The following ATN1 variants were observed in gnomAD, a reference collection of about 807,000 sequenced individuals.
ATN1 encodes atrophin-1.
In ATN1, 19 loss-of-function variants were observed where a neutral mutation model predicts 85.8. The ratio of observed to expected loss-of-function variants is 0.22; its 90% CI spans 0.15 to 0.32. The LOEUF is 0.32. ATN1 is among the 10% of genes least tolerant of loss of function. The probability of loss-of-function intolerance (pLI) is 1.00; values close to 1 mark genes in which losing one functional copy is unlikely to be tolerated. For missense variants in ATN1, 1,453 were observed against 1,564.5 expected, an observed-to-expected ratio of 0.93 and a Z score of 1.20; for synonymous variants, 674 against 657.0, an observed-to-expected ratio of 1.03 and a Z score of -0.39.
In ATN1 at chr12:6,941,905, G is replaced by A. The variant is rs118174287; in HGVS notation, c.*125G>A. 13,883 of 945,792 alleles carry A rather than the reference G, an allele frequency of 0.015. 307 individuals carry two copies. Among genetic ancestry groups the A allele is most frequent in the South Asian group, 0.061 (4,352 of 71,722 alleles). 58.6% of individuals were successfully genotyped at this position (945,792 alleles called of 1,614,324 possible). ...GGTGCTGCTCAGTTGCAGGGCCTCC[G>A]CAGCTGGACAGAGAGTGGGGGAGGG... On this transcript the variant is annotated 3_prime_UTR_variant, in exon 10 of 10. Coordinates refer to ENST00000396684, the MANE Select transcript of ATN1 (RefSeq NM_001940.4). The surrounding 1 kb of genome is among the most constrained non-coding windows in gnomAD (Gnocchi z 5.9).
In ATN1 at chr12:6,937,659, AGTGTT is replaced by A; in HGVS notation, c.2294+99_2294+103del. 1 of 1,428,164 alleles carries A rather than the reference AGTGTT, an allele frequency of 7.0e-7. No homozygotes were observed. Among genetic ancestry groups the A allele is most frequent in the Non-Finnish European group, 9.2e-7 (1 of 1,088,504 alleles). 88.5% of individuals were successfully genotyped at this position (1,428,164 alleles called of 1,614,324 possible). ...GCAGGGAGGGGCCTTGCGCTGGTGTAGTGTTTTAGAAAAGCACGCCCCTCTCCTCC... is the reference window on the plus strand; with the variant it reads ...GCAGGGAGGGGCCTTGCGCTGGTGTATTAGAAAAGCACGCCCCTCTCCTCC... On this transcript the variant is annotated intron_variant, in intron 5 of 9. Transcript: ENST00000396684. This position sits in a 1 kb window ranked among gnomAD's most constrained non-coding sequence, Gnocchi z 6.0.
intron 1 of ATN1, among the ~76,000 whole-genome samples, chr12:6,929,549 TG>T (rs1230807249): frequency 6.6e-6 from 1 of 151,958 alleles, no homozygotes; most frequent in Admixed American, 6.6e-5. Context: ...TCAGATTGGT[TG>T]GGGGGGCTTC....
intron 1 of ATN1, among the ~76,000 whole-genome samples, chr12:6,928,892 C>T (rs782260135): frequency 6.6e-6 from 1 of 152,044 alleles, no homozygotes; most frequent in East Asian, 1.9e-4. Context: ...AAGTGGGAAA[C>T]GGGAAAGGGG....
At chr12:6,933,607 G>C (rs782073151) in intron 1 of ATN1, among the ~76,000 whole-genome samples, 1 of 152,142 alleles carries the variant, frequency 6.6e-6, no homozygotes, top group Non-Finnish European at 1.5e-5. Context: ...AGGTACATCC[G>C]AATTTTCTGC....
chr12:6,934,233 T>C lies in ATN1; in HGVS notation c.85T>C (p.Ser29Pro), dbSNP rs1945502205. The C allele has an allele frequency of 6.3e-7, 1 of 1,589,116 alleles. No homozygotes were observed. The part of the protein sequence containing the change: ...EAPGPREELR[S>P]RGRASPGGVS... ...CCCTGGGCCCCGGGAAGAACTGAGATCGAGGGGCCGGGCCTCCCCTGGAGG... is the reference window on the plus strand; with the variant it reads ...CCCTGGGCCCCGGGAAGAACTGAGACCGAGGGGCCGGGCCTCCCCTGGAGG... Residue 29 changes from serine (S) to proline (P), a missense_variant, in exon 3 of 10, where the codon TCG (serine) becomes CCG (proline). Physicochemically the swap from Ser to Pro is moderately conservative, Grantham distance 74 (BLOSUM62 -1). Transcript: ENST00000396684. This position sits in a 1 kb window ranked among gnomAD's most constrained non-coding sequence, Gnocchi z 4.5.
At position 6,938,025 on chromosome 12, in the gene ATN1, A is replaced by AGAGCGC. The variant is rs782632578; in HGVS notation, c.2485_2490dup (p.Arg829_Glu830dup). ...GCGAGCGCGAGCGGGAACGCGAGAA[A>AGAGCGC]GAGCGCGAGCGCGAGAAGGAGCGCG... On this transcript the variant is annotated inframe_insertion, in exon 6 of 10. Transcript: ENST00000396684. 2.6e-6 allele frequency: 4 copies of AGAGCGC among 1,545,854 alleles called. No individual in the cohort carries two copies. The highest frequency in any genetic ancestry group is 1.2e-5 in the South Asian group (1 of 83,878).
Position 6,936,748 on chromosome 12 carries a change from AGC to A in ATN1, c.1482_1483del (p.Gln495AlafsTer28), listed in dbSNP as rs1945543875. The stretch of plus-strand genomic sequence containing the variant: ...CAGCAACAGCAGCAGCAGCAGCAGC[AGC>A]AGCAGCAGCAGCAGCAGCAGCAGCA... On this transcript the variant is annotated frameshift_variant, in exon 5 of 10. Coordinates refer to ENST00000396684, the MANE Select transcript of ATN1 (RefSeq NM_001940.4). LOFTEE classifies it high-confidence loss of function. The A allele has an allele frequency of 8.0e-7, 1 of 1,251,672 alleles. No individual in the cohort carries two copies. The highest frequency in any genetic ancestry group is 1.1e-6 in the Non-Finnish European group (1 of 899,506). 77.5% of individuals were successfully genotyped at this position (1,251,672 alleles called of 1,614,324 possible). A position where few individuals can be genotyped will look rare whatever the true frequency, so the allele number is the denominator to read the frequency against.
upstream of ATN1, among the ~76,000 whole-genome samples, chr12:6,926,997 G>A (rs2138197249): frequency 6.6e-6 from 1 of 150,818 alleles, no homozygotes; most frequent in East Asian, 2.0e-4. Flanking sequence ...TTCTCACCCA[G>A]AACCTATTTT....
In ATN1 at chr12:6,941,074, G is replaced by C. The variant is rs782785040; in HGVS notation, c.3358+51G>C. The C allele has an allele frequency of 5.6e-6, 9 of 1,600,882 alleles. No individual in the cohort carries two copies. The South Asian group carries it at 7.8e-5, about 14-fold the overall frequency. ...GCTCCAATGAGAAAAGGGCAGAAAG[G>C]AGGTATTTGGGTGGGGGGATGGGCC... On this transcript the variant is annotated intron_variant, in intron 8 of 9. Coordinates refer to ENST00000396684, the MANE Select transcript of ATN1 (RefSeq NM_001940.4). This position sits in a 1 kb window ranked among gnomAD's most constrained non-coding sequence, Gnocchi z 5.9.
chr12:6,929,826 T>C (rs776254545), intron 1 of ATN1, among the ~76,000 whole-genome samples: 8 of 152,150 alleles, frequency 5.3e-5, no homozygotes, highest in Non-Finnish European at 1.0e-4. Flanking sequence ...ACCTCCCTTA[T>C]TATGTTATTT....
rs1555143440 is a variant in ATN1 at position 6,935,559 on chromosome 12, C to T, written c.292C>T (p.Arg98Trp). 5.0e-6 allele frequency: 8 copies of T among 1,609,780 alleles called. No individual in the cohort carries two copies. The highest frequency in any genetic ancestry group is 1.7e-5 in the Admixed American group (1 of 59,866). ...CCCTTTTCTACAGCAGGAACTCCCTCGGCCACAGTCTCCCTCCGATCTGGA... is the reference window on the plus strand; with the variant it reads ...CCCTTTTCTACAGCAGGAACTCCCTTGGCCACAGTCTCCCTCCGATCTGGA... ...KKTKTEQELPRPQSPSDLDSL... is the reference protein window; with the variant it reads ...KKTKTEQELPWPQSPSDLDSL... Residue 98 changes from arginine (R) to tryptophan (W), a missense_variant, in exon 5 of 10, where the codon CGG becomes TGG. This residue lies in a region of ATN1 where 130 missense variants were observed against 158.2 expected (regional missense o/e 0.82). Transcript: ENST00000396684. This position sits in a 1 kb window ranked among gnomAD's most constrained non-coding sequence, Gnocchi z 5.3.
chr12:6,941,345 C>A lies in ATN1; in HGVS notation c.3359-29C>A. The A allele has an allele frequency of 6.4e-7, 1 of 1,568,642 alleles. No individual in the cohort carries two copies. The highest frequency in any genetic ancestry group is 1.2e-5 in the South Asian group (1 of 85,646). On this transcript the variant is annotated intron_variant, in intron 8 of 9. Coordinates refer to ENST00000396684, the MANE Select transcript of ATN1 (RefSeq NM_001940.4). The surrounding 1 kb of genome is among the most constrained non-coding windows in gnomAD (Gnocchi z 5.9). ...GAGCAGGTACTTGTTATCCGTTGGT[C>A]ATATGCCCCTTGCCCTTCCTGCTCA...
Position 6,938,045 on chromosome 12 carries a change from A to G in ATN1, c.2495A>G (p.Glu832Gly), listed in dbSNP as rs1555144146. Residue 832 changes from glutamate to glycine, a missense_variant, in exon 6 of 10, where the codon GAG becomes GGG. By Grantham distance (98) the Glu-to-Gly change is moderately conservative. This residue lies in a region of ATN1 where 990 missense variants were observed against 914.8 expected (regional missense o/e 1.08). Transcript: ENST00000396684. ...GAGAAAGAGCGCGAGCGCGAGAAGG[A>G]GCGCGAGCTTGAACGCAGCGTGGTG... ...EREKEREREK[E>G]RELERSVKLA... The G allele has an allele frequency of 5.8e-6, 9 of 1,546,236 alleles. No homozygotes were observed. The South Asian group carries it at 1.1e-4, about 18-fold the overall frequency.
In ATN1 at chr12:6,938,975, G is replaced by A; in HGVS notation, c.3012G>A (p.Ala1004=). Residue 1004 remains alanine (A), a synonymous_variant, in exon 7 of 10, where the codon GCG becomes GCA. Transcript: ENST00000396684. ...GGCCCCTGGAGCGAGAACGTCTAGC[G>A]CTGGCAGCTGGGCCAGCCCTGCGGC... is the stretch of plus-strand genomic sequence containing the variant. ...SLGPLERERL[A]LAAGPALRPD... 11 of 1,613,332 alleles carry A rather than the reference G, an allele frequency of 6.8e-6. No individual in the cohort carries two copies. Among genetic ancestry groups the A allele is most frequent in the Non-Finnish European group, 8.5e-6 (10 of 1,179,968 alleles).
chr12:6,938,968 G>A lies in ATN1; in HGVS notation c.3005G>A (p.Arg1002His). The stretch of plus-strand genomic sequence containing the variant: ...AGCCTGGGGCCCCTGGAGCGAGAAC[G>A]TCTAGCGCTGGCAGCTGGGCCAGCC... The part of the protein sequence containing the change: ...HPSLGPLERE[R>H]LALAAGPALR... Residue 1002 changes from arginine to histidine, a missense_variant, in exon 7 of 10, where the codon CGT (arginine) becomes CAT (histidine). Arg to His is a conservative substitution (Grantham distance 29, BLOSUM62 0). Around this residue, in one of 6 missense-constraint regions of ATN1, gnomAD observed 208 missense variants for 263.4 expected, o/e 0.79. Coordinates refer to ENST00000396684, the MANE Select transcript of ATN1 (RefSeq NM_001940.4). 6.2e-7 allele frequency: 1 copy of A among 1,613,588 alleles called. No homozygotes were observed. Among genetic ancestry groups the A allele is most frequent in the Non-Finnish European group, 8.5e-7 (1 of 1,179,988 alleles).
At chr12:6,926,461 G>A (rs1257450418), upstream of ATN1, among the ~76,000 whole-genome samples, 1 of 150,094 alleles carries the variant, frequency 6.7e-6, no homozygotes, top group Admixed American at 6.7e-5. Context: ...AACTGCCCTC[G>A]TTTCCCATCT....
In ATN1 at chr12:6,938,567, G is replaced by T; in HGVS notation, c.2604G>T (p.Ala868=). Residue 868 remains alanine, a synonymous_variant, in exon 7 of 10, where the codon GCG becomes GCT. Transcript: ENST00000396684. The part of the protein sequence containing the change: ...PHRPPFEPGS[A]VATVPPYLGP... ...GCCCTCCATTTGAACCGGGCAGTGCGGTGGCTACAGTGCCCCCCTACCTGG... is the reference window on the plus strand; with the variant it reads ...GCCCTCCATTTGAACCGGGCAGTGCTGTGGCTACAGTGCCCCCCTACCTGG... The T allele has an allele frequency of 2.5e-6, 4 of 1,614,210 alleles. No individual in the cohort carries two copies. In the Admixed American group the frequency reaches 6.7e-5, roughly 27 times the overall value.
At position 6,941,470 on chromosome 12, in the gene ATN1, G is replaced by A. The variant is rs1165161265; in HGVS notation, c.3455G>A (p.Arg1152His). The A allele has an allele frequency of 3.1e-6, 5 of 1,612,730 alleles. No individual in the cohort carries two copies. The highest frequency in any genetic ancestry group is 2.7e-5 in the African/African-American group (2 of 74,928). Residue 1152 changes from arginine to histidine, a missense_variant, in exon 9 of 10, where the codon CGC becomes CAC. Physicochemically the swap from Arg to His is conservative, Grantham distance 29 (BLOSUM62 0). Coordinates refer to ENST00000396684, the MANE Select transcript of ATN1 (RefSeq NM_001940.4). The surrounding 1 kb of genome is among the most constrained non-coding windows in gnomAD (Gnocchi z 5.9). ...CACGCACAGTCAGCTGAGCTGCAGC[G>A]CTTGGCGCTGGAACAGCAGCAGTGG... ...AMHAQSAELQ[R>H]LALEQQQWLH...
In ATN1 at chr12:6,933,846, T is replaced by G. The variant is rs782583186; in HGVS notation, c.-156T>G. ...GATGGTTTCCTTCTAACAGGTTTCA[T>G]TGAAAACAGATCCTGCAAAAGTTCC... is the stretch of plus-strand genomic sequence containing the variant. On this transcript the variant is annotated 5_prime_UTR_variant, in exon 2 of 10. Transcript: ENST00000396684. The G allele has an allele frequency of 3.6e-5, 29 of 810,696 alleles. No individual in the cohort carries two copies. The South Asian group carries it at 4.9e-4, about 14-fold the overall frequency. 50.2% of individuals were successfully genotyped at this position (810,696 alleles called of 1,614,324 possible).
Sources: allele counts gnomAD v4.1 joint callset (sites outside exome capture counted in the v4.1 genomes callset), GRCh38; gene constraint gnomAD v4.1.1; regional missense constraint gnomAD v4.1.1; non-coding constraint Gnocchi (gnomAD v3.1); transcripts MANE v1.5; gene names NCBI Gene and HGNC (gene_info 2026-07-23, HGNC 2026-07-21).